Variants in CALCR observed in about 807,000 individuals in gnomAD.
CALCR encodes the protein calcitonin receptor.
A neutral mutation model predicts 59.5 loss-of-function variants in CALCR; 47 were observed. That is an observed-to-expected ratio of 0.79 (90% confidence interval 0.63 to 1.01). CALCR has a LOEUF of 1.01. Among genes scored for constraint, CALCR ranks in the 50% least tolerant of loss-of-function variants. The pLI is 0.00. For synonymous variants in CALCR, 213 were observed against 211.3 expected (o/e 1.01, Z -0.07); for missense variants, 566 against 597.1 (o/e 0.95, Z 0.54).
intron 3 of CALCR, chr7:93,483,938 A>G (rs1562992023): frequency 2.0e-6 from 1 of 495,872 alleles, no homozygotes; most frequent in African/African-American, 2.0e-5. Context: ...TGTCCCATGT[A>G]GCAGTTTAGC....
intron 2 of CALCR, among the ~76,000 whole-genome samples, chr7:93,501,046 A>G (rs1157387634): frequency 6.6e-6 from 1 of 152,008 alleles, no homozygotes; most frequent in Non-Finnish European, 1.5e-5. Flanking sequence ...AATTGTCTAG[A>G]TTCCCTTGAA....
chr7:93,531,802 G>A (rs1315861380), intron 2 of CALCR, among the ~76,000 whole-genome samples: 1 of 151,686 alleles, frequency 6.6e-6, no homozygotes, highest in Admixed American at 6.6e-5. Context: ...CCAAAGATTG[G>A]GTTAACTAAA....
chr7:93,564,776 G>T (rs1242989275), intron 2 of CALCR, among the ~76,000 whole-genome samples: 1 of 151,744 alleles, frequency 6.6e-6, no homozygotes, highest in Non-Finnish European at 1.5e-5. Flanking sequence ...TTTCCTGAAG[G>T]TAGCCCGTGT....
chr7:93,560,710 A>G (rs981375511), intron 2 of CALCR, among the ~76,000 whole-genome samples: 2 of 152,130 alleles, frequency 1.3e-5, no homozygotes, highest in Non-Finnish European at 2.9e-5. Flanking sequence ...GGCACATTTA[A>G]ATCAGTGGCA....
At chr7:93,452,021 G>A (rs1234038689) in intron 8 of CALCR, among the ~76,000 whole-genome samples, 1 of 151,954 alleles carries the variant, frequency 6.6e-6, no homozygotes, top group African/African-American at 2.4e-5. Context: ...GACTACTAGA[G>A]GCAAGAGGGA....
At chr7:93,426,624 T>C (rs766586751) in intron 13 of CALCR, 35 bp from the exon 14 acceptor site, 10 of 1,080,286 alleles carry the variant, frequency 9.3e-6, no homozygotes, top group African/African-American at 3.2e-5. Context: ...TTTTATATGA[T>C]AGTCAGAAAT....
At chr7:93,466,718 A>G (rs1800448151) in intron 7 of CALCR, among the ~76,000 whole-genome samples, 3 of 151,906 alleles carry the variant, frequency 2.0e-5, no homozygotes, top group South Asian at 2.1e-4. Flanking sequence ...ACGGTAGGGC[A>G]AAGTTGGGTA....
chr7:93,509,588 A>T (rs1801500563), intron 2 of CALCR, among the ~76,000 whole-genome samples: 1 of 152,150 alleles, frequency 6.6e-6, no homozygotes, highest in African/African-American at 2.4e-5. Flanking sequence ...TTTCTTTCTA[A>T]ATCTTTGGCC....
intron 13 of CALCR, 57 bp from the exon 14 acceptor site, chr7:93,426,646 A>C (rs1402817433): frequency 1.1e-6 from 1 of 897,022 alleles, no homozygotes; most frequent in Non-Finnish European, 1.8e-6. Flanking sequence ...ATCCATGCAA[A>C]GTGTACGAAC....
chr7:93,492,570 T>C lies in CALCR; in HGVS notation c.-26-5563A>G, dbSNP rs563093469. Among the ~76,000 whole-genome samples, 11 of 151,476 alleles carry C rather than the reference T, an allele frequency of 7.3e-5. No individual in the cohort carries two copies. In the South Asian group the frequency reaches 1.9e-3, roughly 26 times the overall value. On this transcript the variant is annotated intron_variant, in intron 2 of 13. Transcript: ENST00000426151. ...TTTATTTCAAGTCCACTCAGTAAAT[T>C]AGAAGCATACACGCACACACGTATT...
intron 2 of CALCR, among the ~76,000 whole-genome samples, chr7:93,502,296 T>A (rs1476423835): frequency 6.6e-6 from 1 of 152,134 alleles, no homozygotes; most frequent in Non-Finnish European, 1.5e-5. Flanking sequence ...AGAAGTTAAG[T>A]AACTTGATTA....
intron 8 of CALCR, among the ~76,000 whole-genome samples, chr7:93,448,370 A>G (rs1162752521): frequency 6.6e-6 from 1 of 152,010 alleles, no homozygotes; most frequent in Admixed American, 6.6e-5. Context: ...ATTAAAAATA[A>G]CAGCCATATG....
intron 2 of CALCR, among the ~76,000 whole-genome samples, chr7:93,556,348 A>G (rs781077354): frequency 6.6e-6 from 1 of 152,178 alleles, no homozygotes; most frequent in Non-Finnish European, 1.5e-5. Flanking sequence ...ACTGGTCTAC[A>G]CTGTTTGAGT....
rs4015269 is a variant in CALCR, at chr7:93,568,509, T to TTCTCTCTCTCTCTCTCTCTCTC, written c.-27+5758_-27+5779dup. On this transcript the variant is annotated intron_variant, in intron 2 of 13. Transcript: ENST00000426151. ...CCTCCCTGGTTTCCATAAAATTACTTTCTCTCTCTCTCTCTCTCTCTCTCT... is the reference window on the plus strand; with the variant it reads ...CCTCCCTGGTTTCCATAAAATTACTTTCTCTCTCTCTCTCTCTCTCTCTCTCTCTCTCTCTCTCTCTCTCTCT... Among the ~76,000 whole-genome samples, 27 of 102,424 alleles carry TTCTCTCTCTCTCTCTCTCTCTC rather than the reference T, an allele frequency of 2.6e-4. 1 individual carries two copies. Among genetic ancestry groups the TTCTCTCTCTCTCTCTCTCTCTC allele is most frequent in the Middle Eastern group, 5.7e-3 (1 of 174 alleles). 67.2% of individuals were successfully genotyped at this position (102,424 alleles called of 152,430 possible). A position where few individuals can be genotyped will look rare whatever the true frequency, so the allele number is the denominator to read the frequency against.
At chr7:93,442,145 A>T (rs1027623800) in intron 9 of CALCR, among the ~76,000 whole-genome samples, 52 of 152,310 alleles carry the variant, frequency 3.4e-4, no homozygotes, top group African/African-American at 1.1e-3. Flanking sequence ...AGGCAGAGGG[A>T]GAGAGCTCCT....
chr7:93,526,262 A>G (rs142754791), intron 2 of CALCR, among the ~76,000 whole-genome samples: 1 of 152,260 alleles, frequency 6.6e-6, no homozygotes, highest in Non-Finnish European at 1.5e-5. Context: ...TGACACTGTT[A>G]AACAGTAACA....
chr7:93,426,482 C>CGCA lies in CALCR; in HGVS notation c.1296_1298dup (p.Ala433dup). Reference sequence around the variant, plus strand: ...TGTAAATTGGGATGTCGCCAGCCTCCGCAGCAGCGGCTGCAGCGCGAGCAG... The same window carrying CGCA: ...TGTAAATTGGGATGTCGCCAGCCTCCGCAGCAGCAGCGGCTGCAGCGCGAGCAG... On this transcript the variant is annotated inframe_insertion, in exon 14 of 14. Coordinates refer to ENST00000426151, the MANE Select transcript of CALCR (RefSeq NM_001742.4). 6.2e-7 allele frequency: 1 copy of CGCA among 1,613,730 alleles called. No homozygotes were observed. Among genetic ancestry groups the CGCA allele is most frequent in the Non-Finnish European group, 8.5e-7 (1 of 1,179,686 alleles).
intron 11 of CALCR, among the ~76,000 whole-genome samples, chr7:93,436,518 T>G (rs1260498729): frequency 6.6e-6 from 1 of 152,224 alleles, no homozygotes; most frequent in Admixed American, 6.5e-5. Context: ...TGATGATACA[T>G]GAGCTGAACA....
chr7:93,484,083 C>T (rs759417079), intron 3 of CALCR: 1 of 455,772 alleles, frequency 2.2e-6, no homozygotes, highest in Admixed American at 2.1e-5. Flanking sequence ...ACTTTGAGTG[C>T]CTCTCACATG....
Sources: allele counts gnomAD v4.1 joint callset (sites outside exome capture counted in the v4.1 genomes callset), GRCh38; gene constraint gnomAD v4.1.1; transcripts MANE v1.5; gene names NCBI Gene and HGNC (gene_info 2026-07-23, HGNC 2026-07-21).